Variants in LDB2 observed in about 807,000 individuals in gnomAD.
LDB2 encodes the protein LIM domain binding 2.
In LDB2, 12 loss-of-function variants were observed where a neutral mutation model predicts 44.3. The ratio of observed to expected loss-of-function variants is 0.27; its 90% CI spans 0.17 to 0.44. LDB2 has a LOEUF of 0.44. Ranked by LOEUF, LDB2 falls within the 20% of genes least tolerant of loss-of-function variation. The pLI, the probability that LDB2 is intolerant of heterozygous loss-of-function variation, is 1.00. For synonymous variants in LDB2, 164 were observed against 174.8 expected (o/e 0.94, Z 0.49); for missense variants, 344 against 473.5 (o/e 0.73, Z 2.54).
intron 2 of LDB2, among the ~76,000 whole-genome samples, chr4:16,664,266 C>T (rs1742410784): frequency 6.6e-6 from 1 of 152,224 alleles, no homozygotes; most frequent in Non-Finnish European, 1.5e-5. Context: ...AAGATACTGT[C>T]TGAACCAGGA....
chr4:16,656,250 A>C lies in LDB2; in HGVS notation c.236-60375T>G, dbSNP rs1739832794. On this transcript the variant is annotated intron_variant, in intron 2 of 7. Transcript: ENST00000304523. ...ATCTTGTTCCTAAAGGTTGGGTTTC[A>C]TATTGCCTTAATTTGTTTCTTAACT... 3.3e-5 allele frequency among the ~76,000 whole-genome samples: 5 copies of C among 152,170 alleles called. No homozygotes were observed. The South Asian group carries it at 1.0e-3, about 32-fold the overall frequency.
chr4:16,567,695 G>A (rs1489017333), intron 5 of LDB2, among the ~76,000 whole-genome samples: 2 of 152,154 alleles, frequency 1.3e-5, no homozygotes, highest in East Asian at 1.9e-4. Flanking sequence ...GCGTGAACCC[G>A]GGAGGCGAAG....
intron 1 of LDB2, among the ~76,000 whole-genome samples, chr4:16,786,005 G>A (rs574257569): frequency 2.6e-5 from 4 of 152,204 alleles, no homozygotes; most frequent in East Asian, 1.9e-4. Context: ...TAAGGGACTC[G>A]CCTTAGAAAA....
At chr4:16,614,529 G>A (rs1726583584) in intron 2 of LDB2, among the ~76,000 whole-genome samples, 1 of 146,776 alleles carries the variant, frequency 6.8e-6, no homozygotes. Context: ...CTCTGACAAA[G>A]GTCTAATATC....
At chr4:16,854,221 T>C (rs1409114965) in intron 1 of LDB2, among the ~76,000 whole-genome samples, 2 of 152,086 alleles carry the variant, frequency 1.3e-5, no homozygotes, top group African/African-American at 4.8e-5. Context: ...ATAGTAGCCT[T>C]TATACTATCT....
intron 1 of LDB2, among the ~76,000 whole-genome samples, chr4:16,868,344 G>T (rs187736774): frequency 3.8e-4 from 58 of 152,276 alleles, no homozygotes; most frequent in Middle Eastern, 3.4e-3. Flanking sequence ...ACATTCTCAG[G>T]TTCCAGGGGC....
intron 2 of LDB2, among the ~76,000 whole-genome samples, chr4:16,749,820 T>C (rs1765138232): frequency 6.6e-6 from 1 of 152,002 alleles, no homozygotes; most frequent in Admixed American, 6.6e-5. Flanking sequence ...AAGTTACAAA[T>C]ATCTATTGAA....
At chr4:16,522,144 AGTGCTC>A (rs143627148) in intron 5 of LDB2, among the ~76,000 whole-genome samples, 51,780 of 151,566 alleles carry the variant, frequency 0.34, 9,082 homozygotes, top group Non-Finnish European at 0.4. Context: ...GCTTATGGAA[AGTGCTC>A]TATACATGTT....
chr4:16,644,254 A>C (rs79945418), intron 2 of LDB2, among the ~76,000 whole-genome samples: 3,215 of 152,316 alleles, frequency 0.021, 34 homozygotes, highest in East Asian at 0.046. Context: ...AATGCCAACC[A>C]GTGTAGAGAC....
At chr4:16,616,957 T>C (rs1338332331) in intron 2 of LDB2, among the ~76,000 whole-genome samples, 1 of 152,194 alleles carries the variant, frequency 6.6e-6, no homozygotes, top group East Asian at 1.9e-4. Context: ...CATAATAACA[T>C]CTCTTCAATT....
chr4:16,689,582 C>G (rs1750128711), intron 2 of LDB2, among the ~76,000 whole-genome samples: 1 of 152,208 alleles, frequency 6.6e-6, no homozygotes, highest in African/African-American at 2.4e-5. Flanking sequence ...AATCCTAACT[C>G]TTCCACTTAG....
intron 2 of LDB2, among the ~76,000 whole-genome samples, chr4:16,725,827 C>T (rs1017139241): frequency 6.6e-6 from 1 of 151,156 alleles, no homozygotes; most frequent in Admixed American, 6.6e-5. Context: ...AAATAAATAG[C>T]CATTGCTTGT....
At chr4:16,892,362 C>A (rs1183678881) in intron 1 of LDB2, among the ~76,000 whole-genome samples, 1 of 152,054 alleles carries the variant, frequency 6.6e-6, no homozygotes, top group East Asian at 1.9e-4. Context: ...TTGTTTTAAG[C>A]ATTAATAGTT....
At chr4:16,529,535 G>T (rs1729411240) in intron 5 of LDB2, among the ~76,000 whole-genome samples, 1 of 152,132 alleles carries the variant, frequency 6.6e-6, no homozygotes, top group East Asian at 1.9e-4. Context: ...TAATTTCATT[G>T]TGTGTTTTCC....
chr4:16,589,979 C>T (rs376528859), intron 3 of LDB2, among the ~76,000 whole-genome samples: 11 of 152,188 alleles, frequency 7.2e-5, no homozygotes, highest in South Asian at 4.1e-4. Context: ...AAGTTATGTA[C>T]GTAGGCTACC....
chr4:16,677,952 G>A (rs1746750467), intron 2 of LDB2, among the ~76,000 whole-genome samples: 1 of 152,232 alleles, frequency 6.6e-6, no homozygotes, highest in South Asian at 2.1e-4. Context: ...ACATTGAAGG[G>A]TCTGAGAGAC....
At chr4:16,503,358 AC>A (rs1718055411) in intron 7 of LDB2, among the ~76,000 whole-genome samples, 1 of 152,016 alleles carries the variant, frequency 6.6e-6, no homozygotes, top group Non-Finnish European at 1.5e-5. Context: ...CTCATTCCAA[AC>A]GGTATTTTCT....
At chr4:16,656,842 A>G (rs1191802703) in intron 2 of LDB2, among the ~76,000 whole-genome samples, 1 of 152,240 alleles carries the variant, frequency 6.6e-6, no homozygotes, top group Non-Finnish European at 1.5e-5. Context: ...ATACCTATGT[A>G]AATCATAATT....
intron 1 of LDB2, among the ~76,000 whole-genome samples, chr4:16,769,900 T>C (rs1293636624): frequency 6.6e-6 from 1 of 152,198 alleles, no homozygotes; most frequent in Non-Finnish European, 1.5e-5. Flanking sequence ...TATTAAAATG[T>C]GCAGAAAGAC....
Sources: gnomAD v4.1 joint callset for allele counts (sites outside exome capture counted in the v4.1 genomes callset) on GRCh38, gnomAD v4.1.1 for gene constraint, MANE v1.5 for transcripts, NCBI Gene and HGNC (gene_info 2026-07-23, HGNC 2026-07-21) for gene names.